The following PASD1 variants were observed in gnomAD, a reference collection of about 807,000 sequenced individuals.
PASD1 encodes PAS domain containing repressor 1.
PASD1 carries 13 observed loss-of-function variants against 58.8 expected under a neutral mutation model. The observed-to-expected ratio is 0.22, with a 90% CI of 0.14 to 0.35. The LOEUF (loss-of-function observed/expected upper bound fraction) is 0.35, where lower values mean the gene tolerates loss of function less well. Among genes scored for constraint, PASD1 ranks in the 10% least tolerant of loss-of-function variants. The pLI is 1.00. For missense variants in PASD1, 734 were observed against 568.3 expected, an observed-to-expected ratio of 1.29 and a Z score of -2.96; for synonymous variants, 236 against 216.7, an observed-to-expected ratio of 1.09 and a Z score of -0.78.
chrX:151,669,855 G>C (rs1156267334), intron 11 of PASD1, among the ~76,000 whole-genome samples: 2 of 111,962 alleles, frequency 1.8e-5, no homozygotes, highest in African/African-American at 6.5e-5. Context: ...CAACGAACAT[G>C]GGAGTGCAGA....
intron 10 of PASD1, among the ~76,000 whole-genome samples, chrX:151,662,992 T>C (rs1411419532): frequency 8.9e-6 from 1 of 112,160 alleles, no homozygotes; most frequent in Non-Finnish European, 1.9e-5. Flanking sequence ...TTATCTGTAA[T>C]AGAATTAGAT....
intron 1 of PASD1, among the ~76,000 whole-genome samples, chrX:151,576,490 G>T (rs1483474894): frequency 3.6e-5 from 4 of 112,362 alleles, no homozygotes. Context: ...GGATGTTCTT[G>T]ATTTTCACCA....
rs144905518 is a variant in PASD1 at position 151,648,629 on chromosome X, A to G, written c.644A>G (p.Gln215Arg). ...FVGELSSSQG[Q>R]RGHTSMKAVY... ...CCTATTTATAGTAGCTCTCAAGGTC[A>G]AAGAGGACACACTAGCATGAAAGCC... is the stretch of plus-strand genomic sequence containing the variant. The change falls in exon 9 of 16, where the codon CAA becomes CGA. Residue 215 changes from glutamine to arginine, a missense_variant. Physicochemically the swap from Gln to Arg is conservative, Grantham distance 43. Coordinates refer to ENST00000370357, the MANE Select transcript of PASD1 (RefSeq NM_173493.3). 4.3e-3 allele frequency: 5,222 copies of G among 1,209,302 alleles called. 7 individuals are homozygous for G. Among genetic ancestry groups the G allele is most frequent in the Non-Finnish European group, 5.4e-3 (4,814 of 894,799 alleles).
chrX:151,627,222 T>A (rs1433408095), intron 8 of PASD1, among the ~76,000 whole-genome samples: 5 of 110,992 alleles, frequency 4.5e-5, no homozygotes, highest in Non-Finnish European at 9.4e-5. Context: ...TTATTTATTA[T>A]ACTTTAAGTT....
At chrX:151,617,193 TAATAAGAAGA>T (rs971254576) in intron 4 of PASD1, among the ~76,000 whole-genome samples, 3 of 111,723 alleles carry the variant, frequency 2.7e-5, no homozygotes, top group African/African-American at 9.7e-5. Context: ...CTACCTTGTG[TAATAAGAAGA>T]GCAAATGCTA....
At chrX:151,590,486 A>G (rs1197741062) in intron 1 of PASD1, among the ~76,000 whole-genome samples, 5 of 111,827 alleles carry the variant, frequency 4.5e-5, no homozygotes, top group Non-Finnish European at 7.5e-5. Context: ...TAGTCCATGG[A>G]TGGTGGAAGA....
chrX:151,666,605 A>AT (rs2014386380), intron 11 of PASD1, among the ~76,000 whole-genome samples: 1 of 95,446 alleles, frequency 1.0e-5, no homozygotes, highest in East Asian at 3.3e-4. Flanking sequence ...TCATTGTTCA[A>AT]TTCCCACCTA....
chrX:151,619,429 G>A (rs1251569387), intron 4 of PASD1, among the ~76,000 whole-genome samples: 3 of 111,428 alleles, frequency 2.7e-5, no homozygotes, highest in African/African-American at 9.8e-5. Context: ...TATTTAATGA[G>A]ATGGAAGTGG....
intron 8 of PASD1, among the ~76,000 whole-genome samples, chrX:151,631,883 T>C (rs1367657863): frequency 8.9e-6 from 1 of 112,050 alleles, no homozygotes; most frequent in Non-Finnish European, 1.9e-5. Flanking sequence ...GGAGGGGCCT[T>C]GCACATCATT....
intron 3 of PASD1, among the ~76,000 whole-genome samples, chrX:151,605,518 G>A (rs757708738): frequency 1.8e-5 from 2 of 111,254 alleles, no homozygotes; most frequent in Admixed American, 9.5e-5. Context: ...CTATCCCAAT[G>A]TTAGGGGCAA....
rs767154049 is a variant in PASD1 at position 151,672,299 on chromosome X, G to C, written c.1554G>C (p.Lys518Asn). The C allele has an allele frequency of 8.6e-7, 1 of 1,169,264 alleles. No homozygotes were observed. The highest frequency in any genetic ancestry group is 1.1e-6 in the Non-Finnish European group (1 of 873,989). Residue 518 changes from lysine (K) to asparagine (N), a missense_variant, in exon 14 of 16, where the codon AAG becomes AAC. Transcript: ENST00000370357. ...AGAAGCAGAAGAAGATGCAGGAGAA[G>C]AAGAAGCTGCAGGAGCAGAAAATGC... Reference protein sequence around the residue: ...KVQKQKKMQEKKKLQEQKMQE... With the variant: ...KVQKQKKMQENKKLQEQKMQE...
chrX:151,626,096 G>C (rs1164456778), intron 8 of PASD1, among the ~76,000 whole-genome samples: 1 of 111,821 alleles, frequency 8.9e-6, no homozygotes, highest in Non-Finnish European at 1.9e-5. Flanking sequence ...GCAATAAATA[G>C]AGAAAACTTA....
chrX:151,576,796 T>C (rs181031644), intron 1 of PASD1, among the ~76,000 whole-genome samples: 1 of 112,463 alleles, frequency 8.9e-6, no homozygotes, highest in African/African-American at 3.2e-5. Context: ...ATAGATATTA[T>C]ATGATTGTAT....
Position 151,604,718 on chromosome X carries a change from A to G in PASD1, c.101A>G (p.Asn34Ser). The G allele has an allele frequency of 3.3e-6, 4 of 1,204,918 alleles. No homozygotes were observed. The highest frequency in any genetic ancestry group is 4.5e-6 in the Non-Finnish European group (4 of 889,758). Residue 34 changes from asparagine to serine, a missense_variant, in exon 3 of 16, where the codon AAC (asparagine) becomes AGC (serine). By Grantham distance (46) the Asn-to-Ser change is conservative (BLOSUM62 1). Coordinates refer to ENST00000370357, the MANE Select transcript of PASD1 (RefSeq NM_173493.3). ...IPSFPTYDYF[N>S]QVTLQLLDGF... is the part of the protein sequence containing the mutation. Reference sequence around the variant, plus strand: ...TCATTTCCTACCTATGATTACTTCAACCAAGTGACGCTACAGGTAAGAGGG... The same window carrying G: ...TCATTTCCTACCTATGATTACTTCAGCCAAGTGACGCTACAGGTAAGAGGG...
At chrX:151,609,057 T>A (rs181680137) in intron 3 of PASD1, among the ~76,000 whole-genome samples, 1 of 111,598 alleles carries the variant, frequency 9.0e-6, no homozygotes, top group East Asian at 2.8e-4. Flanking sequence ...TAATTTCTGC[T>A]CTTATTTTTA....
At position 151,652,464 on chromosome X, in the gene PASD1, C is replaced by T. The variant is rs1375693886; in HGVS notation, c.717+3762C>T. Among the ~76,000 whole-genome samples, 6 of 104,570 alleles carry T rather than the reference C, an allele frequency of 5.7e-5. No homozygotes were observed. In the East Asian group the frequency reaches 1.2e-3, roughly 21 times the overall value. The allele number at this position is 104,570 out of a possible 115,157, so 90.8% of individuals were successfully genotyped here. A position where few individuals can be genotyped will look rare whatever the true frequency, so the allele number is the denominator to read the frequency against. On this transcript the variant is annotated intron_variant, in intron 9 of 15. Coordinates refer to ENST00000370357, the MANE Select transcript of PASD1 (RefSeq NM_173493.3). ...GGGTGAATCACTTGAACCCGGGAGG[C>T]GGAGATTGCAGTGAGCTAAGATCGT...
chrX:151,622,857 C>A, intron 6 of PASD1, 80 bp from the exon 7 acceptor site: 1 of 1,043,835 alleles, frequency 9.6e-7, no homozygotes, highest in Non-Finnish European at 1.3e-6. Flanking sequence ...TAGCAAACAG[C>A]ACATGGATGT....
At chrX:151,565,384 G>A (rs924314701) in intron 1 of PASD1, among the ~76,000 whole-genome samples, 1 of 111,197 alleles carries the variant, frequency 9.0e-6, no homozygotes, top group African/African-American at 3.3e-5. Flanking sequence ...ATCTGTCTTT[G>A]AGATTAGCCT....
chrX:151,574,152 A>G (rs1280353687), intron 1 of PASD1, among the ~76,000 whole-genome samples: 2 of 112,411 alleles, frequency 1.8e-5, no homozygotes, highest in Non-Finnish European at 3.7e-5. Context: ...TGTGCCAAAC[A>G]GGTAGTCCCA....
Sources: gnomAD v4.1 joint callset for allele counts (sites outside exome capture counted in the v4.1 genomes callset) on GRCh38, gnomAD v4.1.1 for gene constraint, MANE v1.5 for transcripts, NCBI Gene and HGNC (gene_info 2026-07-23, HGNC 2026-07-21) for gene names.